The following CPLANE1 variants were observed in gnomAD, a reference collection of about 807,000 sequenced individuals.
CPLANE1 encodes the protein ciliogenesis and planar polarity effector complex subunit 1.
Under a neutral mutation model 362.5 loss-of-function variants are expected in CPLANE1, and 263 were observed. That is an observed-to-expected ratio of 0.73 (90% CI 0.66 to 0.80). The LOEUF (loss-of-function observed/expected upper bound fraction) is 0.80. Among genes scored for constraint, CPLANE1 ranks in the 30% least tolerant of loss-of-function variants. The pLI is 0.00. For synonymous variants in CPLANE1, 1,212 were observed against 1,302.6 expected (o/e 0.93, Z 1.50); for missense variants, 3,461 against 3,793.4 (o/e 0.91, Z 2.30).
rs1027538017 is a variant in CPLANE1, at chr5:37,183,442, A to G, written c.4739T>C (p.Phe1580Ser). 4 of 1,613,646 alleles carry G rather than the reference A, an allele frequency of 2.5e-6. No individual in the cohort carries two copies. In the African/African-American group the frequency reaches 4.0e-5, roughly 16 times the overall value. Reference protein sequence around the residue: ...RDADIPFLTSFSGKLREHELN... With the variant: ...RDADIPFLTSSSGKLREHELN... ...TTCATGTTCTCTAAGCTTTCCAGAA[A>G]AACTAGTTAGAAATGGAATGTCAGC... Residue 1580 changes from phenylalanine to serine, a missense_variant, in exon 26 of 53, where the codon TTT (phenylalanine) becomes TCT (serine). This residue lies in a region of CPLANE1 where 3,380 missense variants were observed against 3,666.1 expected (regional missense o/e 0.92). Transcript: ENST00000651892.
chr5:37,245,272 G>A (rs1242885893), intron 4 of CPLANE1, among the ~76,000 whole-genome samples: 1 of 136,252 alleles, frequency 7.3e-6, no homozygotes, highest in Non-Finnish European at 1.5e-5. Context: ...TTGAGTCTCA[G>A]TATCACAGAT....
chr5:37,244,924 G>C (rs908878096), intron 4 of CPLANE1, among the ~76,000 whole-genome samples: 1 of 151,822 alleles, frequency 6.6e-6, no homozygotes, highest in African/African-American at 2.4e-5. Flanking sequence ...AAAAAGGCTG[G>C]GTGGATCACG....
At chr5:37,138,382 G>T in intron 46 of CPLANE1, 2 of 299,748 alleles carry the variant, frequency 6.7e-6, no homozygotes, top group Non-Finnish European at 1.3e-5. Context: ...TTTTCCATTT[G>T]CATGATAGAT....
intron 24 of CPLANE1, 26 bp downstream of exon 24, chr5:37,186,260 G>T: frequency 9.4e-7 from 1 of 1,062,716 alleles, no homozygotes; most frequent in Non-Finnish European, 1.4e-6. Flanking sequence ...TTATCTGTTA[G>T]CTATCTGAGA....
intron 8 of CPLANE1, among the ~76,000 whole-genome samples, chr5:37,236,938 G>C (rs1415670817): frequency 2.6e-5 from 4 of 152,140 alleles, no homozygotes; most frequent in Non-Finnish European, 5.9e-5. Context: ...GCAGAGGAAA[G>C]GGAACATGGG....
Position 37,157,778 on chromosome 5 carries a change from CATT to C in CPLANE1, c.7900_7902del (p.Asn2634del), listed in dbSNP as rs1474895121. 2 of 1,613,568 alleles carry C rather than the reference CATT, an allele frequency of 1.2e-6. No homozygotes were observed. The highest frequency in any genetic ancestry group is 1.7e-6 in the Non-Finnish European group (2 of 1,179,810). On this transcript the variant is annotated inframe_deletion, in exon 40 of 53. Transcript: ENST00000651892. ...AGATGATCGCTTTGCTGTTTGATAA[CATT>C]ATCATTTGAAGGCTCTTCTCTCACA...
At chr5:37,235,567 C>CTTTTT (rs546612161) in intron 8 of CPLANE1, among the ~76,000 whole-genome samples, 36 of 93,354 alleles carry the variant, frequency 3.9e-4, no homozygotes, top group South Asian at 7.7e-4. Context: ...TATCTAATTT[C>CTTTTT]TTTTTTTTTT....
intron 30 of CPLANE1, 134 bp downstream of exon 30, chr5:37,177,487 A>T: frequency 1.5e-6 from 1 of 669,674 alleles, no homozygotes; most frequent in Non-Finnish European, 2.7e-6. Flanking sequence ...TACCATAACT[A>T]TAAACTGAAG....
At chr5:37,229,827 A>G (rs1797308277) in intron 9 of CPLANE1, among the ~76,000 whole-genome samples, 1 of 152,154 alleles carries the variant, frequency 6.6e-6, no homozygotes, top group African/African-American at 2.4e-5. Flanking sequence ...TTTCATAGTA[A>G]AAGAAACTGA....
chr5:37,098,877 C>A, the CPLANE1 span, among the ~76,000 whole-genome samples: 1 of 120,758 alleles, frequency 8.3e-6, no homozygotes, highest in African/African-American at 3.4e-5. Context: ...TGGAACACAG[C>A]AAAAGCAGTG....
rs1778989180 is a variant in CPLANE1 at position 37,168,794 on chromosome 5, A to G, written c.7230T>C (p.Asn2410=). The G allele has an allele frequency of 6.2e-7, 1 of 1,610,070 alleles. No individual in the cohort carries two copies. Among genetic ancestry groups the G allele is most frequent in the Non-Finnish European group, 8.5e-7 (1 of 1,177,846 alleles). ...TTACCATACAAAAATTCATTACCCT[A>G]TTTTCTGGGGACAAATGTGAATGAA... ...SLLHSHLSPE[N]RCKKTQLIPL... The change falls in exon 34 of 53, where the codon AAT becomes AAC. Residue 2410 remains asparagine (N), a synonymous_variant. Coordinates refer to ENST00000651892, the MANE Select transcript of CPLANE1 (RefSeq NM_001384732.1).
rs1470084982 is a variant in CPLANE1 at position 37,183,385 on chromosome 5, G to T, written c.4796C>A (p.Thr1599Lys). The T allele has an allele frequency of 2.5e-6, 4 of 1,613,018 alleles. No homozygotes were observed. The highest frequency in any genetic ancestry group is 1.3e-5 in the African/African-American group (1 of 74,844). The change falls in exon 26 of 53, where the codon ACA becomes AAA. Residue 1599 changes from threonine (T) to lysine (K), a missense_variant. Coordinates refer to ENST00000651892, the MANE Select transcript of CPLANE1 (RefSeq NM_001384732.1). ...AGTTTTGCTCTGATGTCGTTTTAAT[G>T]TTGTATGTACATCAAAAAGTAAAGA... is the stretch of plus-strand genomic sequence containing the variant. ...LNSLLFDVHT[T>K]LKRHQSKTKS...
intron 24 of CPLANE1, among the ~76,000 whole-genome samples, chr5:37,186,009 A>C (rs560645225): frequency 6.6e-6 from 1 of 152,210 alleles, no homozygotes; most frequent in Non-Finnish European, 1.5e-5. Context: ...CCCACTTTAC[A>C]AATAAAGATA....
intron 20 of CPLANE1, 102 bp from the exon 21 acceptor site, chr5:37,196,098 T>C (rs966808968): frequency 2.4e-6 from 2 of 844,416 alleles, no homozygotes; most frequent in Non-Finnish European, 3.4e-6. Context: ...CCACACAGAA[T>C]GGAAAACACA....
intron 1 of CPLANE1, 43 bp downstream of exon 1, chr5:37,249,202 G>T (rs921110851): frequency 6.6e-6 from 1 of 152,546 alleles, no homozygotes; most frequent in Non-Finnish European, 1.5e-5. Context: ...GGGAGCTTAC[G>T]AGGAGGCCAG....
chr5:37,145,674 T>A (rs1170223773), intron 43 of CPLANE1, among the ~76,000 whole-genome samples: 1 of 151,994 alleles, frequency 6.6e-6, no homozygotes, highest in African/African-American at 2.4e-5. Flanking sequence ...AATGTATAAT[T>A]TCTGAACCAA....
At chr5:37,212,104 A>G (rs1315129692) in intron 16 of CPLANE1, 1 of 931,852 alleles carries the variant, frequency 1.1e-6, no homozygotes, top group Non-Finnish European at 1.8e-6. Context: ...AGAGAACTAG[A>G]AAAACTGTAT....
the CPLANE1 span, among the ~76,000 whole-genome samples, chr5:37,094,289 T>C: frequency 6.8e-6 from 1 of 147,640 alleles, no homozygotes; most frequent in South Asian, 2.1e-4. Context: ...CCAAAAGGAG[T>C]CTTCAAAACC....
chr5:37,140,540 T>C, intron 44 of CPLANE1: 1 of 985,348 alleles, frequency 1.0e-6, no homozygotes, highest in South Asian at 4.7e-5. Context: ...ATATTAATCC[T>C]ATGTACTTAG....
Sources: gnomAD v4.1 joint callset for allele counts (sites outside exome capture counted in the v4.1 genomes callset) on GRCh38, gnomAD v4.1.1 for gene constraint, gnomAD v4.1.1 regional missense constraint, MANE v1.5 for transcripts, NCBI Gene and HGNC (gene_info 2026-07-23, HGNC 2026-07-21) for gene names.